XIRP2: variants seen among roughly 807,000 people sequenced by gnomAD.
XIRP2 encodes the protein xin actin-binding repeat-containing protein 2.
In XIRP2, 236 loss-of-function variants were observed where a neutral mutation model predicts 277.0. That is an observed-to-expected ratio of 0.85 (90% CI 0.77 to 0.95). The LOEUF is 0.95. Ranked by LOEUF, XIRP2 falls within the 40% of genes least tolerant of loss-of-function variation. XIRP2 has a pLI of 0.00. For missense variants in XIRP2, 4,640 were observed against 4,157.5 expected, an observed-to-expected ratio of 1.12 and a Z score of -3.19; for synonymous variants, 1,490 against 1,416.5, an observed-to-expected ratio of 1.05 and a Z score of -1.17.
chr2:167,001,521 T>C (rs1458487698), intron 2 of XIRP2, among the ~76,000 whole-genome samples: 1 of 152,114 alleles, frequency 6.6e-6, no homozygotes, highest in Non-Finnish European at 1.5e-5. Context: ...AAATAAACTA[T>C]GAAACCAGAA....
intron 2 of XIRP2, among the ~76,000 whole-genome samples, chr2:166,987,325 T>A (rs1250072232): frequency 6.6e-6 from 1 of 152,144 alleles, no homozygotes; most frequent in Non-Finnish European, 1.5e-5. Flanking sequence ...CAAAATAGAC[T>A]GATCTTAATG....
chr2:167,083,014 T>G (rs1689788644), intron 2 of XIRP2, among the ~76,000 whole-genome samples: 1 of 152,240 alleles, frequency 6.6e-6, no homozygotes, highest in South Asian at 2.1e-4. Flanking sequence ...ATGAAGTCCT[T>G]GCCCATGCCT....
At chr2:167,221,862 A>T (rs1178812584) in intron 5 of XIRP2, among the ~76,000 whole-genome samples, 1 of 152,204 alleles carries the variant, frequency 6.6e-6, no homozygotes, top group African/African-American at 2.4e-5. Flanking sequence ...ATCAAGTTTA[A>T]TTAGAGTTAA....
At chr2:166,987,437 TGG>T (rs1487014007) in intron 2 of XIRP2, among the ~76,000 whole-genome samples, 2 of 152,196 alleles carry the variant, frequency 1.3e-5, no homozygotes, top group Non-Finnish European at 2.9e-5. Context: ...ATGGAAGTCT[TGG>T]ATTGCCAAAC....
At chr2:167,210,153 C>G (rs1471584123) in intron 3 of XIRP2, among the ~76,000 whole-genome samples, 1 of 152,096 alleles carries the variant, frequency 6.6e-6, no homozygotes, top group East Asian at 1.9e-4. Context: ...AATCCACAGC[C>G]TATAATATTC....
rs1424506715 is a variant in XIRP2 at position 167,242,624 on chromosome 2, C to T, written c.1232C>T (p.Ser411Phe). The stretch of plus-strand genomic sequence containing the variant: ...CCATCATCAGTTGTGAGTACCTCTT[C>T]CACTTCTTGCGTTTCAACCAGCCAG... ...FKPSSVVSTS[S>F]TSCVSTSQRK... is the part of the protein sequence containing the mutation. The change falls in exon 9 of 11, where the codon TCC becomes TTC. Residue 411 changes from serine (S) to phenylalanine (F), a missense_variant. Physicochemically the swap from Ser to Phe is radical, Grantham distance 155. Transcript: ENST00000409195. 9 of 1,614,054 alleles carry T rather than the reference C, an allele frequency of 5.6e-6. No individual in the cohort carries two copies. The East Asian group carries it at 1.6e-4, about 28-fold the overall frequency.
intron 2 of XIRP2, among the ~76,000 whole-genome samples, chr2:166,944,459 A>T (rs1685800573): frequency 6.6e-6 from 1 of 152,244 alleles, no homozygotes; most frequent in African/African-American, 2.4e-5. Context: ...TGAAATCTGG[A>T]ATAGTTACTA....
chr2:167,205,338 G>A (rs1036456066), intron 3 of XIRP2, among the ~76,000 whole-genome samples: 1 of 152,050 alleles, frequency 6.6e-6, no homozygotes, highest in Admixed American at 6.6e-5. Flanking sequence ...TCAATTATAT[G>A]ATTACTTATA....
At chr2:167,102,666 A>G (rs1189413086) in intron 2 of XIRP2, among the ~76,000 whole-genome samples, 4 of 152,188 alleles carry the variant, frequency 2.6e-5, no homozygotes, top group African/African-American at 9.6e-5. Flanking sequence ...TTTAATCTTC[A>G]TAAAAGATCT....
intron 2 of XIRP2, among the ~76,000 whole-genome samples, chr2:166,913,585 G>A (rs921371854): frequency 6.6e-6 from 1 of 152,152 alleles, no homozygotes; most frequent in African/African-American, 2.4e-5. Flanking sequence ...TGAGGCCTGT[G>A]GAGGGCTATA....
Position 167,248,420 on chromosome 2 carries a change from G to A in XIRP2, c.7028G>A (p.Gly2343Asp), listed in dbSNP as rs183141849. 2.3e-5 allele frequency: 37 copies of A among 1,613,468 alleles called. No homozygotes were observed. In the Admixed American group the frequency reaches 5.3e-4, roughly 23 times the overall value. Residue 2343 changes from glycine to aspartate, a missense_variant, in exon 9 of 11, where the codon GGC becomes GAC. Physicochemically the swap from Gly to Asp is moderately conservative, Grantham distance 94. Coordinates refer to ENST00000409195, the MANE Select transcript of XIRP2 (RefSeq NM_152381.6). ...AAGGCTGAATTTGAAAGTTTTCCAG[G>A]CCTCCCTCTTCCTCCACCTCCAGTA... ...KIKAEFESFP[G>D]LPLPPPPVDE...
intron 4 of XIRP2, among the ~76,000 whole-genome samples, chr2:167,217,418 T>C (rs1346030011): frequency 1.3e-5 from 2 of 152,126 alleles, no homozygotes; most frequent in Non-Finnish European, 2.9e-5. Context: ...GTGCTAATCC[T>C]GGAGTAGTGT....
At chr2:166,920,057 G>A (rs1316168649) in intron 2 of XIRP2, among the ~76,000 whole-genome samples, 3 of 151,868 alleles carry the variant, frequency 2.0e-5, no homozygotes, top group African/African-American at 4.8e-5. Context: ...TGAATGCCTC[G>A]CCTCATGCTA....
intron 2 of XIRP2, among the ~76,000 whole-genome samples, chr2:166,955,391 T>C (rs1686135932): frequency 1.3e-5 from 2 of 151,744 alleles, no homozygotes; most frequent in African/African-American, 4.8e-5. Context: ...AGAAGACTGT[T>C]AGTTGTTTAG....
chr2:167,046,657 A>G (rs1688795623), intron 2 of XIRP2, among the ~76,000 whole-genome samples: 1 of 152,006 alleles, frequency 6.6e-6, no homozygotes, highest in South Asian at 2.1e-4. Flanking sequence ...ATTTTCCTAA[A>G]TGACTTGACA....
chr2:167,135,582 C>T (rs1408903877), intron 2 of XIRP2, among the ~76,000 whole-genome samples: 1 of 152,014 alleles, frequency 6.6e-6, no homozygotes, highest in Admixed American at 6.6e-5. Context: ...ATTTCTCAGG[C>T]CTAGAAAGTT....
intron 2 of XIRP2, among the ~76,000 whole-genome samples, chr2:167,096,360 T>C (rs1325568707): frequency 6.6e-6 from 1 of 152,166 alleles, no homozygotes; most frequent in African/African-American, 2.4e-5. Flanking sequence ...TATTCTCTGA[T>C]GGTAGTTTGT....
chr2:166,965,941 G>T (rs1208869734), intron 2 of XIRP2, among the ~76,000 whole-genome samples: 1 of 151,552 alleles, frequency 6.6e-6, no homozygotes, highest in Non-Finnish European at 1.5e-5. Context: ...CAAATTAAAA[G>T]TTGTAAACTG....
intron 5 of XIRP2, among the ~76,000 whole-genome samples, chr2:167,227,923 A>G (rs1694652933): frequency 6.6e-6 from 1 of 152,126 alleles, no homozygotes; most frequent in South Asian, 2.1e-4. Flanking sequence ...TCATAGGGTG[A>G]TGCAACCTAT....
Sources: gnomAD v4.1 joint callset for allele counts (sites outside exome capture counted in the v4.1 genomes callset) on GRCh38, gnomAD v4.1.1 for gene constraint, MANE v1.5 for transcripts, NCBI Gene and HGNC (gene_info 2026-07-23, HGNC 2026-07-21) for gene names.